The following MCC variants were observed in gnomAD, a reference collection of about 807,000 sequenced individuals.
The protein encoded by MCC is MCC regulator of Wnt signaling pathway.
A neutral mutation model predicts 116.2 loss-of-function variants in MCC; 90 were observed. The observed-to-expected ratio is 0.77, with a 90% CI of 0.65 to 0.92. The LOEUF is 0.92. MCC is among the 40% of genes least tolerant of loss of function. The pLI is 0.00. For synonymous variants in MCC, 578 were observed against 510.5 expected (o/e 1.13, Z -1.78); for missense variants, 1,516 against 1,312.2 (o/e 1.16, Z -2.40).
At chr5:113,133,418 A>T (rs1223220201) in intron 5 of MCC, among the ~76,000 whole-genome samples, 1 of 151,644 alleles carries the variant, frequency 6.6e-6, no homozygotes, top group Non-Finnish European at 1.5e-5. Flanking sequence ...GGCTTTTTTC[A>T]TGTAACATAG....
chr5:113,098,556 G>T lies in MCC; in HGVS notation c.1398+3183C>A, dbSNP rs190286231. Among the ~76,000 whole-genome samples the T allele has an allele frequency of 2.0e-5, 3 of 152,336 alleles. No homozygotes were observed. In the East Asian group the frequency reaches 5.8e-4, roughly 29 times the overall value. On this transcript the variant is annotated intron_variant, in intron 8 of 18. Transcript: ENST00000408903. The stretch of plus-strand genomic sequence containing the variant: ...ACATGGTTATATCACAGAGCAAACA[G>T]AAATAAATGATTGCCTCATTCAGTA...
chr5:113,294,014 AT>A (rs1766614969), intron 3 of MCC, among the ~76,000 whole-genome samples: 2 of 152,122 alleles, frequency 1.3e-5, no homozygotes, highest in Admixed American at 6.5e-5. Flanking sequence ...GTGTATATAA[AT>A]TAGTGGAAGC....
intron 5 of MCC, among the ~76,000 whole-genome samples, chr5:113,132,423 CAT>C (rs68059886): frequency 0.49 from 63,413 of 129,982 alleles, 17,502 homozygotes; most frequent in East Asian, 0.66. Context: ...TATATACACA[CAT>C]ACATATATAT....
intron 3 of MCC, among the ~76,000 whole-genome samples, chr5:113,207,584 G>A (rs533015557): frequency 8.1e-4 from 124 of 152,172 alleles, no homozygotes; most frequent in South Asian, 4.4e-3. Flanking sequence ...GTCCATCCAC[G>A]TAGTTATCCA....
At position 113,181,202 on chromosome 5, in the gene MCC, C is replaced by G. The variant is rs113097628; in HGVS notation, c.628-29780G>C. On this transcript the variant is annotated intron_variant, in intron 3 of 18. Transcript: ENST00000408903. ...CTTTGATTTTCAAAAAGGAGTTTTCCTCATTCTGCTGCTTACAGAAAGCCT... is the reference window on the plus strand; with the variant it reads ...CTTTGATTTTCAAAAAGGAGTTTTCGTCATTCTGCTGCTTACAGAAAGCCT... Among the ~76,000 whole-genome samples the G allele has an allele frequency of 3.1e-3, 469 of 152,268 alleles. 3 individuals carry two copies. Among genetic ancestry groups the G allele is most frequent in the African/African-American group, 0.01 (434 of 41,538 alleles).
intron 1 of MCC, among the ~76,000 whole-genome samples, chr5:113,442,345 G>A (rs372992380): frequency 9.2e-5 from 14 of 152,156 alleles, no homozygotes; most frequent in Admixed American, 5.9e-4. Flanking sequence ...CTTTTGATGG[G>A]GTTGTTTTTT....
At chr5:113,240,899 G>A (rs1049534371) in intron 3 of MCC, among the ~76,000 whole-genome samples, 1 of 152,208 alleles carries the variant, frequency 6.6e-6, no homozygotes, top group Non-Finnish European at 1.5e-5. Flanking sequence ...AGGCGAGGAA[G>A]TTATTTGACT....
chr5:113,189,885 C>T (rs1186212754), intron 3 of MCC, among the ~76,000 whole-genome samples: 1 of 152,172 alleles, frequency 6.6e-6, no homozygotes, highest in Non-Finnish European at 1.5e-5. Flanking sequence ...ACCAGTGAAG[C>T]TATATAACAT....
chr5:113,379,686 A>T (rs746661115), intron 2 of MCC, among the ~76,000 whole-genome samples: 1 of 152,226 alleles, frequency 6.6e-6, no homozygotes, highest in Non-Finnish European at 1.5e-5. Context: ...TAAAACACAT[A>T]AAAATTTAAA....
rs75440310 is a variant in MCC, at chr5:113,242,111, C to T, written c.628-90689G>A. On this transcript the variant is annotated intron_variant, in intron 3 of 18. Transcript: ENST00000408903. ...AACCTAATCCCACATCATAGGCCAT[C>T]TTTGGCAGTAGACCAATACTGCAAG... 5.7e-3 allele frequency among the ~76,000 whole-genome samples: 866 copies of T among 152,278 alleles called. 10 individuals are homozygous for T. The highest frequency in any genetic ancestry group is 0.02 in the African/African-American group (840 of 41,558).
At chr5:113,458,698 C>T (rs572887908) in intron 1 of MCC, among the ~76,000 whole-genome samples, 1 of 152,286 alleles carries the variant, frequency 6.6e-6, no homozygotes, top group South Asian at 2.1e-4. Context: ...AACAAGAGCA[C>T]TGGGCTACTG....
At chr5:113,466,167 C>A (rs1201581619) in intron 1 of MCC, among the ~76,000 whole-genome samples, 1 of 81,928 alleles carries the variant, frequency 1.2e-5, no homozygotes, top group East Asian at 5.2e-4. Context: ...GTTGAGTAGC[C>A]ATTCTTTTTT....
intron 3 of MCC, among the ~76,000 whole-genome samples, chr5:113,163,693 T>C (rs1215156875): frequency 1.3e-5 from 2 of 152,150 alleles, no homozygotes; most frequent in Non-Finnish European, 2.9e-5. Context: ...CGGGTAAAGT[T>C]AGCAAATTAG....
At chr5:113,311,647 A>G (rs953996094) in intron 3 of MCC, among the ~76,000 whole-genome samples, 2 of 152,216 alleles carry the variant, frequency 1.3e-5, no homozygotes, top group African/African-American at 4.8e-5. Context: ...TTGTGGCAAC[A>G]GATAACTGAC....
intron 15 of MCC, among the ~76,000 whole-genome samples, chr5:113,050,426 C>A (rs1580928314): frequency 6.6e-6 from 1 of 152,080 alleles, no homozygotes; most frequent in Non-Finnish European, 1.5e-5. Flanking sequence ...AAACCACAGG[C>A]CTGGTGCACT....
At chr5:113,340,071 C>T (rs1332355873) in intron 3 of MCC, among the ~76,000 whole-genome samples, 1 of 152,192 alleles carries the variant, frequency 6.6e-6, no homozygotes, top group Non-Finnish European at 1.5e-5. Flanking sequence ...CTAAGTTGTC[C>T]CACAGTTTTC....
chr5:113,131,184 C>G (rs1348075069), intron 5 of MCC, among the ~76,000 whole-genome samples: 1 of 152,148 alleles, frequency 6.6e-6, no homozygotes, highest in Non-Finnish European at 1.5e-5. Flanking sequence ...ATGAGAGTAG[C>G]TTATAGAAAA....
chr5:113,279,575 A>G (rs547216884), intron 3 of MCC, among the ~76,000 whole-genome samples: 1 of 152,346 alleles, frequency 6.6e-6, no homozygotes, highest in Non-Finnish European at 1.5e-5. Flanking sequence ...TCTTTGTAAG[A>G]AAGGATGTCT....
intron 4 of MCC, among the ~76,000 whole-genome samples, chr5:113,151,046 GA>G (rs1157978872): frequency 6.6e-6 from 1 of 152,126 alleles, no homozygotes; most frequent in Non-Finnish European, 1.5e-5. Flanking sequence ...TCTGCCTCAA[GA>G]AAAACAAAAA....
Sources: gnomAD v4.1 joint callset for allele counts (sites outside exome capture counted in the v4.1 genomes callset) on GRCh38, gnomAD v4.1.1 for gene constraint, MANE v1.5 for transcripts, NCBI Gene and HGNC (gene_info 2026-07-23, HGNC 2026-07-21) for gene names.